The following ADGRB3 variants were observed in gnomAD, a reference collection of about 807,000 sequenced individuals.
ADGRB3 encodes brain-specific angiogenesis inhibitor 3.
A neutral mutation model predicts 193.4 loss-of-function variants in ADGRB3; 37 were observed. The ratio of observed to expected loss-of-function variants is 0.19; its 90% confidence interval spans 0.15 to 0.25. The LOEUF is 0.25. Among genes scored for constraint, ADGRB3 ranks in the 10% least tolerant of loss-of-function variants. The pLI is 1.00. For synonymous variants in ADGRB3, 690 were observed against 644.2 expected (o/e 1.07, Z -1.08); for missense variants, 1,637 against 1,852.9 (o/e 0.88, Z 2.14).
At chr6:69,292,518 G>A (rs1767709730) in intron 20 of ADGRB3, among the ~76,000 whole-genome samples, 2 of 151,976 alleles carry the variant, frequency 1.3e-5, no homozygotes, top group African/African-American at 4.8e-5. Flanking sequence ...GTTTTATATG[G>A]CATTCCTTGT....
chr6:69,144,875 T>TCTTTCTTTCTTTCTTTC (rs1774438006), intron 17 of ADGRB3, among the ~76,000 whole-genome samples: 1 of 39,044 alleles, frequency 2.6e-5, no homozygotes, highest in Non-Finnish European at 6.2e-5. Flanking sequence ...TTTGTTTGAG[T>TCTTTCTTTCTTTCTTTC]GTTCTTTCTT....
At chr6:69,279,730 G>C (rs1268747143) in intron 20 of ADGRB3, among the ~76,000 whole-genome samples, 1 of 152,010 alleles carries the variant, frequency 6.6e-6, no homozygotes, top group Non-Finnish European at 1.5e-5. Flanking sequence ...TAAGCCTATA[G>C]AATCCAGCCC....
intron 31 of ADGRB3, among the ~76,000 whole-genome samples, chr6:69,384,624 G>A (rs1309898127): frequency 6.6e-6 from 1 of 151,988 alleles, no homozygotes; most frequent in Non-Finnish European, 1.5e-5. Flanking sequence ...CTGTATCTCA[G>A]TTTCCTGACA....
intron 3 of ADGRB3, among the ~76,000 whole-genome samples, chr6:68,655,519 A>G (rs1032890612): frequency 6.6e-6 from 1 of 151,784 alleles, no homozygotes; most frequent in Non-Finnish European, 1.5e-5. Context: ...GATTCATCAT[A>G]AAAAGTAATC....
intron 17 of ADGRB3, among the ~76,000 whole-genome samples, chr6:69,171,067 C>G (rs1775259163): frequency 6.6e-6 from 1 of 151,738 alleles, no homozygotes; most frequent in Non-Finnish European, 1.5e-5. Flanking sequence ...TTTATTTAAC[C>G]CAATATATCT....
intron 6 of ADGRB3, among the ~76,000 whole-genome samples, chr6:68,950,985 G>T (rs1018109657): frequency 6.6e-6 from 1 of 152,034 alleles, no homozygotes; most frequent in Admixed American, 6.6e-5. Flanking sequence ...TATAAGATCT[G>T]GCTTCTGCAC....
intron 13 of ADGRB3, among the ~76,000 whole-genome samples, chr6:69,024,944 T>C (rs1217897518): frequency 6.6e-6 from 1 of 151,970 alleles, no homozygotes; most frequent in African/African-American, 2.4e-5. Flanking sequence ...TACAAAAAAT[T>C]AGCCGGGCGT....
At chr6:68,834,075 C>A (rs1264872015) in intron 3 of ADGRB3, among the ~76,000 whole-genome samples, 1 of 151,322 alleles carries the variant, frequency 6.6e-6, no homozygotes. Flanking sequence ...ATCTGGAAAC[C>A]AACTTCTGTT....
chr6:68,645,261 T>C (rs1768181993), intron 3 of ADGRB3, among the ~76,000 whole-genome samples: 1 of 152,178 alleles, frequency 6.6e-6, no homozygotes, highest in Non-Finnish European at 1.5e-5. Context: ...GCTACTACTC[T>C]ATATTATCAC....
At chr6:68,975,912 A>T (rs1205875515) in intron 10 of ADGRB3, among the ~76,000 whole-genome samples, 1 of 152,212 alleles carries the variant, frequency 6.6e-6, no homozygotes, top group Non-Finnish European at 1.5e-5. Flanking sequence ...ACAGAGTATG[A>T]TGCATGAATA....
At chr6:69,325,681 C>A (rs1394209331) in intron 21 of ADGRB3, among the ~76,000 whole-genome samples, 3 of 151,982 alleles carry the variant, frequency 2.0e-5, no homozygotes, top group African/African-American at 7.3e-5. Flanking sequence ...TAGAAAAAGC[C>A]CAAATATACA....
chr6:68,816,023 T>G (rs1767625880), intron 3 of ADGRB3, among the ~76,000 whole-genome samples: 1 of 151,900 alleles, frequency 6.6e-6, no homozygotes, highest in Non-Finnish European at 1.5e-5. Flanking sequence ...CATCCACTCC[T>G]GGAAGAAGAA....
intron 3 of ADGRB3, among the ~76,000 whole-genome samples, chr6:68,864,596 A>G (rs913941932): frequency 2.0e-5 from 3 of 152,190 alleles, no homozygotes; most frequent in Non-Finnish European, 4.4e-5. Flanking sequence ...TGAAGACAAA[A>G]TAAACGACTC....
intron 4 of ADGRB3, among the ~76,000 whole-genome samples, 153 bp from the exon 5 acceptor site, chr6:68,936,366 A>G (rs1224413085): frequency 6.6e-6 from 1 of 152,094 alleles, no homozygotes; most frequent in African/African-American, 2.4e-5. Flanking sequence ...TTTAAACTTC[A>G]TTTTCTCTGA....
chr6:69,073,790 C>CCAA (rs1772148653), intron 16 of ADGRB3, among the ~76,000 whole-genome samples: 1 of 152,124 alleles, frequency 6.6e-6, no homozygotes, highest in African/African-American at 2.4e-5. Context: ...CGTTAGTGGG[C>CCAA]AGGTGAAAAC....
chr6:68,937,220 TAATG>T (rs1320726323), intron 5 of ADGRB3, among the ~76,000 whole-genome samples: 6 of 151,568 alleles, frequency 4.0e-5, no homozygotes, highest in Admixed American at 2.0e-4. Flanking sequence ...AAATTAAACT[TAATG>T]AAGAGAGAGA....
chr6:69,212,318 C>G (rs951101302), intron 17 of ADGRB3, among the ~76,000 whole-genome samples: 3 of 151,982 alleles, frequency 2.0e-5, no homozygotes, highest in African/African-American at 7.2e-5. Flanking sequence ...AAAATGGAAA[C>G]ACAAGTTCAA....
At chr6:69,182,183 G>A (rs527569931) in intron 17 of ADGRB3, among the ~76,000 whole-genome samples, 4 of 152,242 alleles carry the variant, frequency 2.6e-5, no homozygotes, top group South Asian at 2.1e-4. Context: ...ACTGGGTTAT[G>A]AGTGATGCAA....
At chr6:69,384,709 C>G (rs1260851464) in intron 31 of ADGRB3, among the ~76,000 whole-genome samples, 1 of 151,850 alleles carries the variant, frequency 6.6e-6, no homozygotes, top group African/African-American at 2.4e-5. Context: ...TAAATATTTA[C>G]CATTTGGAAG....
Sources: allele counts gnomAD v4.1 joint callset (sites outside exome capture counted in the v4.1 genomes callset), GRCh38; gene constraint gnomAD v4.1.1; transcripts MANE v1.5; gene names NCBI Gene and HGNC (gene_info 2026-07-23, HGNC 2026-07-21).